Variants in BRAF observed in about 807,000 individuals in gnomAD.
BRAF encodes the protein B-Raf proto-oncogene, serine/threonine kinase.
BRAF carries 16 observed loss-of-function variants against 104.6 expected under a neutral mutation model. The observed-to-expected ratio is 0.15, with a 90% CI of 0.10 to 0.23. The LOEUF is 0.23. Ranked by LOEUF, BRAF falls within the 10% of genes least tolerant of loss-of-function variation. The pLI, the probability that BRAF is intolerant of heterozygous loss-of-function variation, is 1.00. For missense variants in BRAF, 541 were observed against 937.3 expected, an observed-to-expected ratio of 0.58 and a Z score of 5.52; for synonymous variants, 310 against 341.6, an observed-to-expected ratio of 0.91 and a Z score of 1.02.
chr7:140,734,820 A>AAAAG lies in BRAF; in HGVS notation c.2248-54_2248-51dup, dbSNP rs145368076. On this transcript the variant is annotated intron_variant, in intron 18 of 19. Transcript: ENST00000644969. Reference sequence around the variant, plus strand: ...AAGAAAAAAAAAGAAAAAAGAAAAAAAAAGAAAGAAAGAAAAAGAAAAAAC... The same window carrying AAAAG: ...AAGAAAAAAAAAGAAAAAAGAAAAAAAAAGAAAGAAAGAAAGAAAAAGAAAAAAC... The AAAAG allele has an allele frequency of 0.071, 97,294 of 1,362,124 alleles. 5,438 individuals are homozygous for AAAAG. Among genetic ancestry groups the AAAAG allele is most frequent in the African/African-American group, 0.24 (12,012 of 49,826 alleles). 84.4% of individuals were successfully genotyped at this position (1,362,124 alleles called of 1,614,324 possible).
At chr7:140,912,431 T>C (rs1407395160) in intron 1 of BRAF, among the ~76,000 whole-genome samples, 1 of 152,228 alleles carries the variant, frequency 6.6e-6, no homozygotes, top group African/African-American at 2.4e-5. Context: ...CAATCCTTCC[T>C]ATTTATACAC....
Position 140,725,949 on chromosome 7 carries a change from T to C in BRAF, c.*545A>G. ...CCTTTTGATAAAATCTGTCAAGGCC[T>C]GAACACGCACCACATAGAAAGGGCA... is the stretch of plus-strand genomic sequence containing the variant. On this transcript the variant is annotated 3_prime_UTR_variant, in exon 20 of 20. Transcript: ENST00000644969. 9.4e-7 allele frequency: 1 copy of C among 1,064,572 alleles called. No homozygotes were observed. The highest frequency in any genetic ancestry group is 1.1e-6 in the Non-Finnish European group (1 of 879,006). 65.9% of individuals were successfully genotyped at this position (1,064,572 alleles called of 1,614,324 possible).
chr7:140,837,961 C>G (rs903156911), intron 2 of BRAF, among the ~76,000 whole-genome samples: 4 of 152,022 alleles, frequency 2.6e-5, no homozygotes, highest in Admixed American at 1.3e-4. Context: ...TCTACCATTC[C>G]CTCAGTTTTC....
chr7:140,897,790 G>A (rs916934438), intron 1 of BRAF, among the ~76,000 whole-genome samples: 7 of 151,604 alleles, frequency 4.6e-5, no homozygotes, highest in East Asian at 3.9e-4. Context: ...GTGAGCCACC[G>A]CGCCCAGCCA....
chr7:140,823,678 AAGG>A (rs1805714280), intron 3 of BRAF: 1 of 152,224 alleles, frequency 6.6e-6, no homozygotes, highest in South Asian at 2.1e-4. Context: ...ATATACACAG[AAGG>A]AGAATTGATG....
intron 2 of BRAF, among the ~76,000 whole-genome samples, chr7:140,840,106 G>A (rs549642322): frequency 3.3e-5 from 5 of 152,306 alleles, no homozygotes; most frequent in East Asian, 1.9e-4. Flanking sequence ...AAGCCTGTAC[G>A]TCTTCTTCCT....
chr7:140,737,630 AT>A (rs1178751756), intron 18 of BRAF, among the ~76,000 whole-genome samples: 1 of 152,142 alleles, frequency 6.6e-6, no homozygotes, highest in Non-Finnish European at 1.5e-5. Context: ...AAGTTTAAAA[AT>A]TTTTAATGTA....
In BRAF at chr7:140,840,569, T is replaced by C. The variant is rs190180171; in HGVS notation, c.241-5697A>G. Among the ~76,000 whole-genome samples, 65 of 151,902 alleles carry C rather than the reference T, an allele frequency of 4.3e-4. No homozygotes were observed. The East Asian group carries it at 7.3e-3, about 17-fold the overall frequency. ...ACTTTGGGAGGCCAAGGCGGGAGGA[T>C]TGCTTGAGTCCAGGTGTTCGAGACC... On this transcript the variant is annotated intron_variant, in intron 2 of 19. Coordinates refer to ENST00000644969, the MANE Select transcript of BRAF (RefSeq NM_001374258.1).
intron 3 of BRAF, among the ~76,000 whole-genome samples, chr7:140,828,607 A>G (rs1462844253): frequency 6.6e-6 from 1 of 152,178 alleles, no homozygotes; most frequent in Non-Finnish European, 1.5e-5. Flanking sequence ...CTTCAAGTAC[A>G]AGTCTTTTCA....
chr7:140,914,044 G>C (rs1233005754), intron 1 of BRAF, among the ~76,000 whole-genome samples: 4 of 152,114 alleles, frequency 2.6e-5, no homozygotes, highest in African/African-American at 9.7e-5. Context: ...GTGTTAACTA[G>C]AGCCCTGTGC....
At chr7:140,849,134 G>C (rs543181410) in intron 2 of BRAF, among the ~76,000 whole-genome samples, 6 of 152,296 alleles carry the variant, frequency 3.9e-5, no homozygotes, top group East Asian at 3.9e-4. Flanking sequence ...GAAAGGGTGT[G>C]TAGGGTAGTA....
At position 140,724,977 on chromosome 7, in the gene BRAF, A is replaced by G; in HGVS notation, c.*1517T>C. ...TGCAAAGATAAGATTTAGGTTCTTA[A>G]TGAATGCCAGTTCTTTCTATAAAAA... On this transcript the variant is annotated 3_prime_UTR_variant, in exon 20 of 20. Coordinates refer to ENST00000644969, the MANE Select transcript of BRAF (RefSeq NM_001374258.1). The G allele has an allele frequency of 9.6e-7, 1 of 1,044,472 alleles. No individual in the cohort carries two copies. Among genetic ancestry groups the G allele is most frequent in the African/African-American group, 1.7e-5 (1 of 60,026 alleles). 64.7% of individuals were successfully genotyped at this position (1,044,472 alleles called of 1,614,324 possible).
intron 5 of BRAF, among the ~76,000 whole-genome samples, chr7:140,806,068 C>T (rs1306641038): frequency 6.6e-6 from 1 of 152,176 alleles, no homozygotes; most frequent in Non-Finnish European, 1.5e-5. Context: ...CTTATTCTAC[C>T]CACAATACTG....
At position 140,904,770 on chromosome 7, in the gene BRAF, A is replaced by G. The variant is rs1343000285; in HGVS notation, c.138+19796T>C. Among the ~76,000 whole-genome samples the G allele has an allele frequency of 5.9e-5, 9 of 152,040 alleles. No homozygotes were observed. The South Asian group carries it at 6.2e-4, about 11-fold the overall frequency. On this transcript the variant is annotated intron_variant, in intron 1 of 19. Coordinates refer to ENST00000644969, the MANE Select transcript of BRAF (RefSeq NM_001374258.1). Reference sequence around the variant, plus strand: ...ACTACAGGCATGCACCACCACGCCCAGCTAATTTTTATATTTTTAGTAGAG... The same window carrying G: ...ACTACAGGCATGCACCACCACGCCCGGCTAATTTTTATATTTTTAGTAGAG...
At chr7:140,742,424 C>T (rs992529399) in intron 17 of BRAF, among the ~76,000 whole-genome samples, 4 of 151,944 alleles carry the variant, frequency 2.6e-5, no homozygotes, top group Admixed American at 2.0e-4. Context: ...GAACTCCAGA[C>T]CTCAAGTGAT....
At chr7:140,799,672 T>A (rs967000618) in intron 7 of BRAF, 19 of 232,794 alleles carry the variant, frequency 8.2e-5, no homozygotes, top group African/African-American at 4.2e-4. Flanking sequence ...ACCTTCTTCA[T>A]TAAGTTTTCC....
rs1563024355 is a variant in BRAF at position 140,897,904 on chromosome 7, A to G, written c.138+26662T>C. On this transcript the variant is annotated intron_variant, in intron 1 of 19. Coordinates refer to ENST00000644969, the MANE Select transcript of BRAF (RefSeq NM_001374258.1). ...AACAGTAACAACAACATATGTCTTT[A>G]TAAGGAAAGGCTAGGGCAGGAACAG... is the stretch of plus-strand genomic sequence containing the variant. Among the ~76,000 whole-genome samples the G allele has an allele frequency of 2.0e-5, 3 of 152,216 alleles. No homozygotes were observed. The South Asian group carries it at 6.2e-4, about 31-fold the overall frequency.
At chr7:140,765,849 G>C (rs1028392616) in intron 14 of BRAF, among the ~76,000 whole-genome samples, 4 of 150,708 alleles carry the variant, frequency 2.7e-5, no homozygotes, top group East Asian at 1.9e-4. Context: ...TACACTGTTG[G>C]TGGGACTGTA....
At chr7:140,839,987 G>A (rs1052837585) in intron 2 of BRAF, among the ~76,000 whole-genome samples, 4 of 152,296 alleles carry the variant, frequency 2.6e-5, no homozygotes, top group Admixed American at 6.5e-5. Context: ...AGAAGGCACC[G>A]AAGGGAATAT....
Sources: gnomAD v4.1 joint callset for allele counts (sites outside exome capture counted in the v4.1 genomes callset) on GRCh38, gnomAD v4.1.1 for gene constraint, MANE v1.5 for transcripts, NCBI Gene and HGNC (gene_info 2026-07-23, HGNC 2026-07-21) for gene names.